Variants in SYT1 observed in about 807,000 individuals in gnomAD.
SYT1 encodes synaptotagmin 1, also known as synaptotagmin-1.
A neutral mutation model predicts 44.8 loss-of-function variants in SYT1; 8 were observed. The observed-to-expected ratio is 0.18, with a 90% CI of 0.10 to 0.32. The LOEUF (loss-of-function observed/expected upper bound fraction) is 0.32, where lower values mean the gene tolerates loss of function less well. Among genes scored for constraint, SYT1 ranks in the 10% least tolerant of loss-of-function variants. The pLI, the probability that SYT1 is intolerant of heterozygous loss-of-function variation, is 1.00. For synonymous variants in SYT1, 154 were observed against 188.8 expected (o/e 0.82, Z 1.51); for missense variants, 286 against 509.3 (o/e 0.56, Z 4.22).
At chr12:79,292,254 T>C in intron 6 of SYT1, 124 bp downstream of exon 6, 1 of 1,176,128 alleles carries the variant, frequency 8.5e-7, no homozygotes, top group Non-Finnish European at 1.2e-6. Flanking sequence ...TTATCAAAGC[T>C]ATGGATGAAA....
intron 4 of SYT1, among the ~76,000 whole-genome samples, chr12:79,260,481 C>T (rs991977441): frequency 2.6e-5 from 4 of 152,196 alleles, no homozygotes; most frequent in African/African-American, 9.7e-5. Context: ...AATCCCAGTG[C>T]TTCAGTAACT....
At chr12:79,370,902 A>G (rs1325698959) in intron 9 of SYT1, among the ~76,000 whole-genome samples, 1 of 152,196 alleles carries the variant, frequency 6.6e-6, no homozygotes, top group Non-Finnish European at 1.5e-5. Context: ...TTAAAACTCT[A>G]AAAGATCATG....
chr12:78,865,941 T>C (rs1873520786), intron 1 of SYT1, among the ~76,000 whole-genome samples: 8 of 151,686 alleles, frequency 5.3e-5, no homozygotes, highest in Admixed American at 5.3e-4. Flanking sequence ...ACAATTAAAA[T>C]AGATTATTAC....
At chr12:79,418,967 T>TA (rs1868927918) in intron 9 of SYT1, among the ~76,000 whole-genome samples, 1 of 152,140 alleles carries the variant, frequency 6.6e-6, no homozygotes, top group Non-Finnish European at 1.5e-5. Flanking sequence ...CAGTAGATTT[T>TA]AAAACTCAGG....
chr12:78,949,871 A>G (rs1249970755), intron 1 of SYT1, among the ~76,000 whole-genome samples: 2 of 152,004 alleles, frequency 1.3e-5, no homozygotes, highest in Non-Finnish European at 2.9e-5. Flanking sequence ...ATTCTATTGG[A>G]TTATCTGAAC....
intron 1 of SYT1, among the ~76,000 whole-genome samples, chr12:78,973,046 A>G (rs1050538198): frequency 6.6e-6 from 1 of 152,070 alleles, no homozygotes; most frequent in Non-Finnish European, 1.5e-5. Flanking sequence ...TTTTTCATCA[A>G]TTTGTTTTGC....
chr12:79,342,155 T>A (rs1384110666), intron 8 of SYT1, among the ~76,000 whole-genome samples: 1 of 152,198 alleles, frequency 6.6e-6, no homozygotes, highest in African/African-American at 2.4e-5. Context: ...AAGATTATTC[T>A]AAATGATCAT....
chr12:78,994,057 T>C (rs1056932974), intron 2 of SYT1, among the ~76,000 whole-genome samples: 1 of 152,228 alleles, frequency 6.6e-6, no homozygotes, highest in Non-Finnish European at 1.5e-5. Flanking sequence ...CTCCTTCACA[T>C]GTGTGGTTTT....
intron 9 of SYT1, among the ~76,000 whole-genome samples, chr12:79,356,022 G>T (rs74107435): frequency 0.022 from 3,344 of 151,970 alleles, 122 homozygotes; most frequent in African/African-American, 0.071. Context: ...GAATATTGGG[G>T]ATTCATCTTA....
intron 2 of SYT1, chr12:79,046,587 C>G (rs904214648): frequency 1.3e-5 from 2 of 151,934 alleles, no homozygotes; most frequent in Non-Finnish European, 2.9e-5. Flanking sequence ...AATTTTTTTA[C>G]TCTTTAAACT....
chr12:78,882,121 G>A (rs1874491400), intron 1 of SYT1, among the ~76,000 whole-genome samples: 1 of 151,782 alleles, frequency 6.6e-6, no homozygotes, highest in Non-Finnish European at 1.5e-5. Flanking sequence ...CACAATGCCA[G>A]TTACACTCAA....
At chr12:78,871,646 A>G (rs2137035902) in intron 1 of SYT1, among the ~76,000 whole-genome samples, 1 of 152,114 alleles carries the variant, frequency 6.6e-6, no homozygotes, top group South Asian at 2.1e-4. Flanking sequence ...TCTAGCAATC[A>G]GGTTTTGAGT....
chr12:79,004,162 T>C (rs532071690), intron 2 of SYT1, among the ~76,000 whole-genome samples: 1 of 152,118 alleles, frequency 6.6e-6, no homozygotes, highest in South Asian at 2.1e-4. Context: ...TTATTCGATT[T>C]ACAGTTATTA....
chr12:79,250,604 T>G (rs895723551), intron 4 of SYT1, among the ~76,000 whole-genome samples: 6 of 152,188 alleles, frequency 3.9e-5, no homozygotes, highest in Non-Finnish European at 7.4e-5. Context: ...AGTCAGTGAT[T>G]TTAGGATGAT....
chr12:78,890,733 T>C (rs914976815), intron 1 of SYT1, among the ~76,000 whole-genome samples: 3 of 151,784 alleles, frequency 2.0e-5, no homozygotes, highest in Non-Finnish European at 2.9e-5. Flanking sequence ...AAAATTACTT[T>C]CTTCATCTCC....
intron 9 of SYT1, among the ~76,000 whole-genome samples, chr12:79,416,031 A>G (rs1244679583): frequency 6.6e-6 from 1 of 152,208 alleles, no homozygotes; most frequent in East Asian, 1.9e-4. Context: ...GCATAGTCCC[A>G]TTTACATTGA....
intron 9 of SYT1, among the ~76,000 whole-genome samples, chr12:79,355,754 C>A (rs1467518827): frequency 1.3e-5 from 2 of 152,200 alleles, no homozygotes; most frequent in Admixed American, 1.3e-4. Flanking sequence ...CTAGCCAATT[C>A]CTACCCATTC....
At chr12:79,014,139 G>GAA (rs1170016597) in intron 2 of SYT1, among the ~76,000 whole-genome samples, 2 of 90,388 alleles carry the variant, frequency 2.2e-5, no homozygotes, top group South Asian at 3.6e-4. Context: ...AAAAAAAAAA[G>GAA]AAAAAAAAAA....
intron 2 of SYT1, among the ~76,000 whole-genome samples, chr12:79,020,855 A>G (rs1872146807): frequency 6.6e-6 from 1 of 151,912 alleles, no homozygotes; most frequent in African/African-American, 2.4e-5. Context: ...ATGGGTGGTA[A>G]AGTAAAAACA....
Sources: gnomAD v4.1 joint callset for allele counts (sites outside exome capture counted in the v4.1 genomes callset) on GRCh38, gnomAD v4.1.1 for gene constraint, MANE v1.5 for transcripts, NCBI Gene and HGNC (gene_info 2026-07-23, HGNC 2026-07-21) for gene names.